PTPRM: variants seen among roughly 807,000 people sequenced by gnomAD.
The protein encoded by PTPRM is receptor-type tyrosine-protein phosphatase mu.
Under a neutral mutation model 186.7 loss-of-function variants are expected in PTPRM, and 47 were observed. The observed-to-expected ratio is 0.25, with a 90% confidence interval of 0.20 to 0.32. The LOEUF is 0.32. Among genes scored for constraint, PTPRM ranks in the 10% least tolerant of loss-of-function variants. The pLI, the probability that PTPRM is intolerant of heterozygous loss-of-function variation, is 1.00. For missense variants in PTPRM, 1,494 were observed against 1,865.0 expected, an observed-to-expected ratio of 0.80 and a Z score of 3.66; for synonymous variants, 668 against 674.9, an observed-to-expected ratio of 0.99 and a Z score of 0.16.
chr18:7,846,257 T>G (rs1217182436), intron 2 of PTPRM, among the ~76,000 whole-genome samples: 1 of 152,194 alleles, frequency 6.6e-6, no homozygotes, highest in African/African-American at 2.4e-5. Flanking sequence ...TATTTGTATG[T>G]GATGGTGCTA....
chr18:8,240,670 AAAGAAAG>A, intron 14 of PTPRM, among the ~76,000 whole-genome samples: 1 of 95,142 alleles, frequency 1.1e-5, no homozygotes, highest in Non-Finnish European at 2.2e-5. Flanking sequence ...AGAAAGAAAG[AAAGAAAG>A]AAAAAGAAAG....
chr18:7,695,323 A>T (rs926114285), intron 1 of PTPRM, among the ~76,000 whole-genome samples: 1 of 152,196 alleles, frequency 6.6e-6, no homozygotes, highest in African/African-American at 2.4e-5. Context: ...TTTTGTCTAC[A>T]TGAACACAAT....
At chr18:7,733,887 C>T (rs1039687188) in intron 1 of PTPRM, among the ~76,000 whole-genome samples, 10 of 152,166 alleles carry the variant, frequency 6.6e-5, no homozygotes, top group African/African-American at 1.9e-4. Flanking sequence ...GGCAGGTTCT[C>T]TTTTCTGCAC....
intron 23 of PTPRM, among the ~76,000 whole-genome samples, chr18:8,360,362 A>T (rs754070738): frequency 1.3e-5 from 2 of 151,464 alleles, no homozygotes; most frequent in Non-Finnish European, 2.9e-5. Flanking sequence ...AGAAGGTGGA[A>T]CGGGTCTGGA....
At chr18:8,388,014 C>T (rs1388092076) in intron 31 of PTPRM, among the ~76,000 whole-genome samples, 1 of 151,486 alleles carries the variant, frequency 6.6e-6, no homozygotes, top group Non-Finnish European at 1.5e-5. Context: ...GGAGTGGGGC[C>T]CAGACATGGG....
rs1395074492 is a variant in PTPRM at position 7,983,599 on chromosome 18, C to T, written c.1132+28185C>T. On this transcript the variant is annotated intron_variant, in intron 7 of 32. Transcript: ENST00000580170. ...AAATCTTACCTTTTTTTCTCTTGTGCGCTATTGCCTGGCACACTGTAGAAG... is the reference window on the plus strand; with the variant it reads ...AAATCTTACCTTTTTTTCTCTTGTGTGCTATTGCCTGGCACACTGTAGAAG... 2.6e-5 allele frequency among the ~76,000 whole-genome samples: 4 copies of T among 152,050 alleles called. No homozygotes were observed. In the East Asian group the frequency reaches 7.8e-4, roughly 30 times the overall value.
At chr18:7,694,748 T>C (rs2039808034) in intron 1 of PTPRM, among the ~76,000 whole-genome samples, 1 of 152,172 alleles carries the variant, frequency 6.6e-6, no homozygotes, top group Non-Finnish European at 1.5e-5. Flanking sequence ...CACAGCCGTA[T>C]AAAATATCTA....
intron 20 of PTPRM, among the ~76,000 whole-genome samples, chr18:8,306,865 A>C (rs1479570987): frequency 3.3e-5 from 5 of 152,190 alleles, no homozygotes; most frequent in Non-Finnish European, 5.9e-5. Flanking sequence ...TCCTCATAAA[A>C]ATTTGATATG....
Position 7,568,363 on chromosome 18 carries a change from G to C in PTPRM, c.73+472G>C, listed in dbSNP as rs1351353950. Among the ~76,000 whole-genome samples the C allele has an allele frequency of 6.6e-6, 1 of 151,816 alleles. No homozygotes were observed. Among genetic ancestry groups the C allele is most frequent in the Non-Finnish European group, 1.5e-5 (1 of 67,914 alleles). On this transcript the variant is annotated intron_variant, in intron 1 of 32. Coordinates refer to ENST00000580170, the MANE Select transcript of PTPRM (RefSeq NM_001105244.2). The surrounding 1 kb of genome is among the most constrained non-coding windows in gnomAD (Gnocchi z 5.1). ...TTCGGCTGCGCCCGCAGCGATCGCC[G>C]GGAACTGGCGGCCGCTCCGGCGGCG... is the stretch of plus-strand genomic sequence containing the variant.
chr18:8,161,907 G>A (rs1466944963), intron 14 of PTPRM, among the ~76,000 whole-genome samples: 2 of 152,086 alleles, frequency 1.3e-5, no homozygotes, highest in Non-Finnish European at 2.9e-5. Flanking sequence ...ATGGCCAGAT[G>A]GTTTGGAATA....
At chr18:8,070,103 G>T in intron 8 of PTPRM, 109 bp downstream of exon 8, 1 of 995,158 alleles carries the variant, frequency 1.0e-6, no homozygotes. Context: ...TTATTTTGTT[G>T]AACAACACAA....
intron 14 of PTPRM, among the ~76,000 whole-genome samples, chr18:8,203,530 T>C (rs926157704): frequency 6.6e-6 from 1 of 152,202 alleles, no homozygotes; most frequent in African/African-American, 2.4e-5. Context: ...TTGGGAAAAT[T>C]TGGAAGATGT....
chr18:8,157,833 C>T (rs765535523), intron 14 of PTPRM, among the ~76,000 whole-genome samples: 1 of 152,216 alleles, frequency 6.6e-6, no homozygotes, highest in African/African-American at 2.4e-5. Flanking sequence ...TTAAAACCTT[C>T]CAGACCCAGA....
At chr18:7,768,732 C>T (rs1397651955) in intron 1 of PTPRM, among the ~76,000 whole-genome samples, 2 of 151,562 alleles carry the variant, frequency 1.3e-5, no homozygotes, top group Non-Finnish European at 2.9e-5. Flanking sequence ...CTGCAACCTC[C>T]ACCTCCCAGG....
At chr18:7,677,858 G>T (rs2039382987) in intron 1 of PTPRM, among the ~76,000 whole-genome samples, 2 of 152,152 alleles carry the variant, frequency 1.3e-5, no homozygotes, top group Admixed American at 6.5e-5. Context: ...CCCCTACCCT[G>T]CCCTGGTTTG....
rs148340225 is a variant in PTPRM, at chr18:7,864,680, G to A, written c.197-23426G>A. Reference sequence around the variant, plus strand: ...GCTTAGGATTGGCTTGGATATGCAGGCTCTTTTTTGGTTCCATATGATATT... The same window carrying A: ...GCTTAGGATTGGCTTGGATATGCAGACTCTTTTTTGGTTCCATATGATATT... On this transcript the variant is annotated intron_variant, in intron 2 of 32. Transcript: ENST00000580170. Among the ~76,000 whole-genome samples, 645 of 152,216 alleles carry A rather than the reference G, an allele frequency of 4.2e-3. 11 individuals carry two copies. Among genetic ancestry groups the A allele is most frequent in the Admixed American group, 0.03 (458 of 15,292 alleles).
intron 9 of PTPRM, among the ~76,000 whole-genome samples, chr18:8,077,150 G>A (rs974260879): frequency 1.3e-5 from 2 of 152,146 alleles, no homozygotes; most frequent in African/African-American, 4.8e-5. Context: ...CAATAACAGG[G>A]TGACATTCAT....
chr18:8,289,497 T>C (rs1387307529), intron 19 of PTPRM, among the ~76,000 whole-genome samples: 2 of 131,984 alleles, frequency 1.5e-5, no homozygotes, highest in South Asian at 4.6e-4. Context: ...TACATATATG[T>C]ATATATGTGT....
At chr18:7,956,843 C>T (rs1018264433) in intron 7 of PTPRM, among the ~76,000 whole-genome samples, 3 of 152,186 alleles carry the variant, frequency 2.0e-5, no homozygotes, top group Admixed American at 1.3e-4. Flanking sequence ...CTGCCTATAT[C>T]ATTTGACAAG....
Sources: gnomAD v4.1 joint callset for allele counts (sites outside exome capture counted in the v4.1 genomes callset) on GRCh38, gnomAD v4.1.1 for gene constraint, Gnocchi (gnomAD v3.1) non-coding constraint, MANE v1.5 for transcripts, NCBI Gene and HGNC (gene_info 2026-07-23, HGNC 2026-07-21) for gene names.